Variants in WWOX observed in about 807,000 individuals in gnomAD.
The protein encoded by WWOX is WW domain-containing oxidoreductase.
A neutral mutation model predicts 46.2 loss-of-function variants in WWOX; 69 were observed. The ratio of observed to expected loss-of-function variants is 1.49; its 90% confidence interval spans 1.23 to 1.82. The LOEUF is 1.82. Among genes scored for constraint, WWOX ranks in the 40% most tolerant of loss-of-function variants. The pLI is 0.00. For missense variants in WWOX, 919 were observed against 542.6 expected, an observed-to-expected ratio of 1.69 and a Z score of -6.89; for synonymous variants, 359 against 202.6, an observed-to-expected ratio of 1.77 and a Z score of -6.56.
chr16:78,473,608 T>C (rs889566423), intron 8 of WWOX, among the ~76,000 whole-genome samples: 1 of 150,726 alleles, frequency 6.6e-6, no homozygotes, highest in South Asian at 2.1e-4. Flanking sequence ...GTCCCTCCTT[T>C]CCTAAGAAAA....
intron 5 of WWOX, among the ~76,000 whole-genome samples, chr16:78,279,935 A>G (rs1458249077): frequency 6.6e-6 from 1 of 152,216 alleles, no homozygotes; most frequent in African/African-American, 2.4e-5. Flanking sequence ...TAATCCTGTA[A>G]CTATCTCCTT....
In WWOX at chr16:78,859,198, G is replaced by A. The variant is rs369953092; in HGVS notation, c.1057-352410G>A. ...CTTTGCAGAGAAGCAGGATGAAGGG[G>A]CCTAAAATGAGTTCAACTGATTTCA... On this transcript the variant is annotated intron_variant, in intron 8 of 8. Transcript: ENST00000566780. 6.6e-5 allele frequency among the ~76,000 whole-genome samples: 10 copies of A among 151,356 alleles called. No individual in the cohort carries two copies. The East Asian group carries it at 1.8e-3, about 27-fold the overall frequency.
Position 79,113,946 on chromosome 16 carries a change from G to T in WWOX, c.1057-97662G>T, listed in dbSNP as rs144408264. ...GGCTGAGTGGCAGTCCTAAGGCCCAGCCACAACGTGTTCTTGACAAGCCAT... is the reference window on the plus strand; with the variant it reads ...GGCTGAGTGGCAGTCCTAAGGCCCATCCACAACGTGTTCTTGACAAGCCAT... On this transcript the variant is annotated intron_variant, in intron 8 of 8. Transcript: ENST00000566780. Among the ~76,000 whole-genome samples the T allele has an allele frequency of 2.5e-3, 382 of 152,324 alleles. 3 individuals are homozygous for T. Among genetic ancestry groups the T allele is most frequent in the Middle Eastern group, 0.014 (4 of 294 alleles).
intron 8 of WWOX, among the ~76,000 whole-genome samples, chr16:78,473,178 A>G (rs1273295090): frequency 1.3e-5 from 2 of 152,160 alleles, no homozygotes; most frequent in African/African-American, 4.8e-5. Flanking sequence ...CACCCAGGCT[A>G]GAGTGCAGTG....
chr16:78,951,268 G>A (rs750529056), intron 8 of WWOX, among the ~76,000 whole-genome samples: 2 of 152,154 alleles, frequency 1.3e-5, no homozygotes, highest in Non-Finnish European at 2.9e-5. Flanking sequence ...TTCATTTGCA[G>A]ACATGGCCAG....
intron 5 of WWOX, among the ~76,000 whole-genome samples, chr16:78,188,333 C>CA (rs1402188170): frequency 6.6e-6 from 1 of 151,830 alleles, no homozygotes. Context: ...ACTAAAAATA[C>CA]AAAAAATTAG....
At chr16:78,966,264 G>A (rs931473526) in intron 8 of WWOX, among the ~76,000 whole-genome samples, 1 of 152,198 alleles carries the variant, frequency 6.6e-6, no homozygotes, top group Non-Finnish European at 1.5e-5. Context: ...GGAGATAACA[G>A]ACATGCTCAG....
At chr16:78,777,349 G>C (rs1195794912) in intron 8 of WWOX, among the ~76,000 whole-genome samples, 1 of 152,172 alleles carries the variant, frequency 6.6e-6, no homozygotes, top group Non-Finnish European at 1.5e-5. Flanking sequence ...GCCCCATGTA[G>C]CTACTGAGCA....
intron 5 of WWOX, among the ~76,000 whole-genome samples, chr16:78,326,577 G>C (rs867974278): frequency 0.015 from 479 of 32,586 alleles, 4 homozygotes; most frequent in African/African-American, 0.028. Flanking sequence ...CCCTCCCCCC[G>C]CCCCCCCCCC....
chr16:78,702,290 T>C (rs1009970810), intron 8 of WWOX, among the ~76,000 whole-genome samples: 1 of 150,022 alleles, frequency 6.7e-6, no homozygotes, highest in African/African-American at 2.5e-5. Context: ...AAAAATAAAA[T>C]ATAAAATAAA....
chr16:78,643,410 C>A (rs955287104), intron 8 of WWOX, among the ~76,000 whole-genome samples: 1 of 152,060 alleles, frequency 6.6e-6, no homozygotes, highest in African/African-American at 2.4e-5. Flanking sequence ...GGGACAGTGC[C>A]GGGGCTTGAA....
chr16:78,102,034 C>T (rs1408614915), intron 1 of WWOX, among the ~76,000 whole-genome samples: 1 of 152,158 alleles, frequency 6.6e-6, no homozygotes, highest in African/African-American at 2.4e-5. Context: ...GATCCTCCCG[C>T]ATCAGCCTGT....
At chr16:79,096,925 G>T (rs944692320) in intron 8 of WWOX, among the ~76,000 whole-genome samples, 3 of 152,140 alleles carry the variant, frequency 2.0e-5, no homozygotes, top group Admixed American at 6.5e-5. Flanking sequence ...TCAGGGTCGG[G>T]TGGGGACATC....
At chr16:78,656,573 G>A (rs1173780708) in intron 8 of WWOX, among the ~76,000 whole-genome samples, 1 of 152,146 alleles carries the variant, frequency 6.6e-6, no homozygotes, top group East Asian at 1.9e-4. Flanking sequence ...CAGATCTGGT[G>A]AGAACTCACT....
intron 8 of WWOX, among the ~76,000 whole-genome samples, chr16:78,455,916 A>G (rs917580199): frequency 2.0e-5 from 3 of 152,192 alleles, no homozygotes; most frequent in African/African-American, 7.2e-5. Context: ...TATTTGTGTT[A>G]ACATTATTTT....
At chr16:78,859,509 A>G (rs962450088) in intron 8 of WWOX, among the ~76,000 whole-genome samples, 5 of 152,184 alleles carry the variant, frequency 3.3e-5, no homozygotes, top group African/African-American at 9.7e-5. Context: ...CTCGATTTTT[A>G]TCATTAGCAC....
In WWOX at chr16:78,117,685, C is replaced by G. The variant is rs80205064; in HGVS notation, c.409+2531C>G. Among the ~76,000 whole-genome samples, 20 of 152,286 alleles carry G rather than the reference C, an allele frequency of 1.3e-4. No individual in the cohort carries two copies. The East Asian group carries it at 3.5e-3, about 26-fold the overall frequency. The stretch of plus-strand genomic sequence containing the variant: ...AACATGCCAATTTATAAATTGCTAT[C>G]ACTACTTTAGTTCCGCTCATTTAAA... On this transcript the variant is annotated intron_variant, in intron 4 of 8. Coordinates refer to ENST00000566780, the MANE Select transcript of WWOX (RefSeq NM_016373.4).
At chr16:79,165,649 A>C (rs1018631701) in intron 8 of WWOX, among the ~76,000 whole-genome samples, 2 of 152,126 alleles carry the variant, frequency 1.3e-5, no homozygotes, top group Admixed American at 1.3e-4. Flanking sequence ...GATTCTGCCT[A>C]CAGCTGGTTT....
chr16:79,187,646 A>G lies in WWOX; in HGVS notation c.1057-23962A>G, dbSNP rs145941777. Among the ~76,000 whole-genome samples, 4 of 152,304 alleles carry G rather than the reference A, an allele frequency of 2.6e-5. No homozygotes were observed. The East Asian group carries it at 7.8e-4, about 30-fold the overall frequency. On this transcript the variant is annotated intron_variant, in intron 8 of 8. Transcript: ENST00000566780. ...GGTCTTGAACTCCTGACCTCAAGTG[A>G]TCGGCCTGCCTCAGCCTCCCACAGT... is the stretch of plus-strand genomic sequence containing the variant.
Sources: allele counts gnomAD v4.1 joint callset (sites outside exome capture counted in the v4.1 genomes callset), GRCh38; gene constraint gnomAD v4.1.1; transcripts MANE v1.5; gene names NCBI Gene and HGNC (gene_info 2026-07-23, HGNC 2026-07-21).